ZCWPW2: variants seen among roughly 807,000 people sequenced by gnomAD.
The protein encoded by ZCWPW2 is zinc finger CW-type and PWWP domain containing 2, also known as zinc finger CW-type PWWP domain protein 2.
ZCWPW2 carries 45 observed loss-of-function variants against 46.6 expected under a neutral mutation model. The observed-to-expected ratio is 0.96, with a 90% CI of 0.76 to 1.24. The LOEUF is 1.24. ZCWPW2 is among the 50% of genes most tolerant of loss of function. ZCWPW2 has a pLI of 0.00. For missense variants in ZCWPW2, 429 were observed against 403.9 expected (o/e 1.06, Z -0.53); for synonymous variants, 152 against 137.1 (o/e 1.11, Z -0.76).
intron 1 of ZCWPW2, among the ~76,000 whole-genome samples, chr3:28,365,109 C>G (rs1193002189): frequency 1.7e-4 from 25 of 151,320 alleles, no homozygotes; most frequent in African/African-American, 4.4e-4. Context: ...CCTGTTCACT[C>G]TGATGGTAGT....
intron 1 of ZCWPW2, among the ~76,000 whole-genome samples, chr3:28,387,192 A>T (rs1695310864): frequency 6.6e-6 from 1 of 152,080 alleles, no homozygotes. Context: ...ACTATCTGTC[A>T]CTTGTAGGCT....
In ZCWPW2 at chr3:28,464,880, T is replaced by C. The variant is rs1211660545; in HGVS notation, c.493-13934T>C. Among the ~76,000 whole-genome samples the C allele has an allele frequency of 2.0e-5, 3 of 152,230 alleles. No individual in the cohort carries two copies. In the East Asian group the frequency reaches 5.8e-4, roughly 29 times the overall value. ...GAAACATCACAGGAACTGCTGTAGA[T>C]TTTAGCCATGGCTTAAGAAACATCT... is the stretch of plus-strand genomic sequence containing the variant. On this transcript the variant is annotated intron_variant, in intron 4 of 9. Coordinates refer to ENST00000383768, the MANE Select transcript of ZCWPW2 (RefSeq NM_001040432.4).
chr3:28,459,971 A>T (rs997753650), intron 4 of ZCWPW2, among the ~76,000 whole-genome samples: 6 of 152,016 alleles, frequency 3.9e-5, no homozygotes, highest in Non-Finnish European at 7.4e-5. Context: ...GTACCTTGTG[A>T]TTTTTCTGAT....
intron 1 of ZCWPW2, among the ~76,000 whole-genome samples, chr3:28,368,563 C>T (rs1236306778): frequency 1.3e-5 from 2 of 152,162 alleles, no homozygotes; most frequent in African/African-American, 4.8e-5. Flanking sequence ...TGTGGGTAAC[C>T]CGACCTTTCT....
chr3:28,511,049 C>G, intron 6 of ZCWPW2: 1 of 455,730 alleles, frequency 2.2e-6, no homozygotes, highest in South Asian at 1.6e-5. Flanking sequence ...AGAATCTACC[C>G]CAGATGTCAA....
chr3:28,390,107 C>G (rs1695427112), intron 1 of ZCWPW2, among the ~76,000 whole-genome samples: 1 of 152,146 alleles, frequency 6.6e-6, no homozygotes, highest in Non-Finnish European at 1.5e-5. Flanking sequence ...TTACAGATGG[C>G]CATGGGAATG....
intron 8 of ZCWPW2, among the ~76,000 whole-genome samples, chr3:28,520,295 A>G (rs1340475330): frequency 6.6e-6 from 1 of 152,098 alleles, no homozygotes; most frequent in Non-Finnish European, 1.5e-5. Flanking sequence ...AGCATGTCAC[A>G]GTGACACAAA....
chr3:28,494,573 G>A (rs1448345878), intron 6 of ZCWPW2, among the ~76,000 whole-genome samples: 1 of 151,418 alleles, frequency 6.6e-6, no homozygotes, highest in Non-Finnish European at 1.5e-5. Context: ...GGAAGTTCTG[G>A]CCAGGGCAAT....
At chr3:28,458,103 CATT>C (rs1351835984) in intron 4 of ZCWPW2, among the ~76,000 whole-genome samples, 1 of 152,150 alleles carries the variant, frequency 6.6e-6, no homozygotes, top group Non-Finnish European at 1.5e-5. Context: ...GATAGTTAGG[CATT>C]AGAATTACCT....
At chr3:28,517,194 G>T (rs186237972) in intron 8 of ZCWPW2, among the ~76,000 whole-genome samples, 53 of 152,158 alleles carry the variant, frequency 3.5e-4, no homozygotes, top group Middle Eastern at 6.8e-3. Context: ...ATTTATTTAG[G>T]ATTTTTTTTT....
intron 6 of ZCWPW2, among the ~76,000 whole-genome samples, chr3:28,503,375 C>G (rs1173515936): frequency 6.6e-6 from 1 of 152,098 alleles, no homozygotes; most frequent in Non-Finnish European, 1.5e-5. Flanking sequence ...GTAATCCTTT[C>G]TCTCTGATTC....
At chr3:28,449,793 G>A (rs1289207073) in intron 4 of ZCWPW2, among the ~76,000 whole-genome samples, 1 of 151,966 alleles carries the variant, frequency 6.6e-6, no homozygotes, top group Non-Finnish European at 1.5e-5. Flanking sequence ...ATTTTTTTAA[G>A]CTGATGCATG....
At chr3:28,511,904 G>GA (rs1245666878) in intron 6 of ZCWPW2, among the ~76,000 whole-genome samples, 7 of 151,942 alleles carry the variant, frequency 4.6e-5, no homozygotes, top group Non-Finnish European at 7.4e-5. Context: ...TCTCACTCTT[G>GA]AAAAATATTA....
chr3:28,501,262 G>T (rs1046542541), intron 6 of ZCWPW2, among the ~76,000 whole-genome samples: 3 of 152,138 alleles, frequency 2.0e-5, no homozygotes, highest in Non-Finnish European at 4.4e-5. Flanking sequence ...TTAACATCAG[G>T]TTACTTCAAG....
chr3:28,498,477 A>C (rs1238725836), intron 6 of ZCWPW2, among the ~76,000 whole-genome samples: 4 of 152,040 alleles, frequency 2.6e-5, no homozygotes, highest in African/African-American at 9.7e-5. Context: ...TAATATACAA[A>C]GCAATTATAA....
chr3:28,400,055 A>G (rs1695860863), intron 2 of ZCWPW2, among the ~76,000 whole-genome samples: 1 of 152,160 alleles, frequency 6.6e-6, no homozygotes, highest in Admixed American at 6.5e-5. Flanking sequence ...GAAGGGACAA[A>G]CATTCAGGGA....
chr3:28,381,768 A>G (rs750883076), intron 1 of ZCWPW2, among the ~76,000 whole-genome samples: 4 of 152,162 alleles, frequency 2.6e-5, no homozygotes, highest in Non-Finnish European at 4.4e-5. Flanking sequence ...CCTGGGCAAC[A>G]GAGAGAACCC....
At chr3:28,442,401 G>A (rs1295186396) in intron 4 of ZCWPW2, among the ~76,000 whole-genome samples, 1 of 152,190 alleles carries the variant, frequency 6.6e-6, no homozygotes, top group Non-Finnish European at 1.5e-5. Flanking sequence ...TAAGTCCAGT[G>A]TGTTTGCTAC....
At position 28,365,546 on chromosome 3, in the gene ZCWPW2, G is replaced by A. The variant is rs551213653; in HGVS notation, c.-134+16343G>A. ...CCAGTACCATGCTGTTTTGGTTACC[G>A]TAGCCTTGGAGTATAGTTTGAAGTC... On this transcript the variant is annotated intron_variant, in intron 1 of 9. Coordinates refer to ENST00000383768, the MANE Select transcript of ZCWPW2 (RefSeq NM_001040432.4). Among the ~76,000 whole-genome samples, 7 of 140,930 alleles carry A rather than the reference G, an allele frequency of 5.0e-5. 1 individual carries two copies. Among genetic ancestry groups the A allele is most frequent in the Admixed American group, 7.6e-5 (1 of 13,164 alleles). The allele number at this position is 140,930 out of a possible 152,430, so 92.5% of individuals were successfully genotyped here. A position where few individuals can be genotyped will look rare whatever the true frequency, so the allele number is the denominator to read the frequency against.
Sources: allele counts gnomAD v4.1 joint callset (sites outside exome capture counted in the v4.1 genomes callset), GRCh38; gene constraint gnomAD v4.1.1; transcripts MANE v1.5; gene names NCBI Gene and HGNC (gene_info 2026-07-23, HGNC 2026-07-21).